Variants in CRPPA observed in about 807,000 individuals in gnomAD.
The protein encoded by CRPPA is CDP-L-ribitol pyrophosphorylase A, also known as D-ribitol-5-phosphate cytidylyltransferase.
CRPPA carries 43 observed loss-of-function variants against 52.0 expected under a neutral mutation model. The ratio of observed to expected loss-of-function variants is 0.83; its 90% CI spans 0.65 to 1.07. The LOEUF is 1.07. Among genes scored for constraint, CRPPA ranks in the 50% least tolerant of loss-of-function variants. The pLI is 0.00. For missense variants in CRPPA, 629 were observed against 551.7 expected, an observed-to-expected ratio of 1.14 and a Z score of -1.40; for synonymous variants, 250 against 203.5, an observed-to-expected ratio of 1.23 and a Z score of -1.94.
intron 2 of CRPPA, among the ~76,000 whole-genome samples, chr7:16,378,644 T>G (rs1299871760): frequency 6.6e-6 from 1 of 151,636 alleles, no homozygotes. Flanking sequence ...GATGGCTGGG[T>G]CAAATGGTAT....
chr7:16,298,664 A>G (rs1264327220), intron 5 of CRPPA, among the ~76,000 whole-genome samples: 3 of 152,304 alleles, frequency 2.0e-5, no homozygotes, highest in South Asian at 2.1e-4. Context: ...TTATGTGTCA[A>G]TTACATCTGG....
chr7:16,112,508 C>A (rs961137965), intron 9 of CRPPA, among the ~76,000 whole-genome samples: 1 of 152,070 alleles, frequency 6.6e-6, no homozygotes, highest in Non-Finnish European at 1.5e-5. Flanking sequence ...TCAATAACCT[C>A]CAGCAGATGA....
At chr7:16,396,414 A>G (rs1583575197) in intron 2 of CRPPA, among the ~76,000 whole-genome samples, 1 of 152,220 alleles carries the variant, frequency 6.6e-6, no homozygotes, top group Non-Finnish European at 1.5e-5. Flanking sequence ...ACCTAAAAAA[A>G]ACAGTAGATG....
At chr7:16,101,590 T>A (rs1003118199) in intron 9 of CRPPA, among the ~76,000 whole-genome samples, 30 of 149,362 alleles carry the variant, frequency 2.0e-4, no homozygotes, top group East Asian at 5.9e-4. Context: ...GTTAATCTTT[T>A]AAAAAAAAAA....
At position 16,258,478 on chromosome 7, in the gene CRPPA, G is replaced by A; in HGVS notation, c.1031C>T (p.Thr344Ile). 1 of 1,591,364 alleles carries A rather than the reference G, an allele frequency of 6.3e-7. No individual in the cohort carries two copies. The highest frequency in any genetic ancestry group is 1.3e-5 in the African/African-American group (1 of 74,280). ...CTGGGTTTCTTGAAAATCAGAGGTT[G>A]TAACCTAAAAGACCAGAAAAATAAA... ...QCYNFVCVNVTTSDFQETQKL... is the reference protein window; with the variant it reads ...QCYNFVCVNVITSDFQETQKL... Residue 344 changes from threonine to isoleucine, a missense_variant, in exon 8 of 10, where the codon ACA becomes ATA. Coordinates refer to ENST00000407010, the MANE Select transcript of CRPPA (RefSeq NM_001101426.4).
Position 16,357,895 on chromosome 7 carries a change from C to T in CRPPA, c.684+18197G>A, listed in dbSNP as rs953988017. On this transcript the variant is annotated intron_variant, in intron 3 of 9. Coordinates refer to ENST00000407010, the MANE Select transcript of CRPPA (RefSeq NM_001101426.4). ...GGCTTGAGGTGGGCCAGAGTTGGTG[C>T]GTGGTCAGCAGGCCAAGGCTGTGTC... Among the ~76,000 whole-genome samples the T allele has an allele frequency of 4.6e-5, 7 of 152,212 alleles. No homozygotes were observed. In the East Asian group the frequency reaches 5.8e-4, roughly 13 times the overall value.
chr7:16,184,195 C>T (rs1781463481), intron 9 of CRPPA, among the ~76,000 whole-genome samples: 2 of 152,134 alleles, frequency 1.3e-5, no homozygotes, highest in Non-Finnish European at 2.9e-5. Context: ...CCCACCTTGG[C>T]CTCTCAAAGT....
At chr7:16,282,767 G>A (rs1784344801) in intron 5 of CRPPA, among the ~76,000 whole-genome samples, 1 of 151,982 alleles carries the variant, frequency 6.6e-6, no homozygotes, top group Non-Finnish European at 1.5e-5. Flanking sequence ...AAGAAATATG[G>A]TGGATCTGTT....
At chr7:16,127,206 T>C (rs1335089987) in intron 9 of CRPPA, among the ~76,000 whole-genome samples, 2 of 152,096 alleles carry the variant, frequency 1.3e-5, no homozygotes, top group Non-Finnish European at 2.9e-5. Flanking sequence ...CAACCATCCC[T>C]ATGAAAACAA....
intron 9 of CRPPA, among the ~76,000 whole-genome samples, chr7:16,143,375 G>A (rs539422792): frequency 7.2e-5 from 11 of 152,230 alleles, no homozygotes; most frequent in Admixed American, 2.6e-4. Flanking sequence ...TAAAGTCAGT[G>A]GAAATACAGG....
chr7:16,236,670 A>T (rs1203581770), intron 8 of CRPPA, among the ~76,000 whole-genome samples: 1 of 152,120 alleles, frequency 6.6e-6, no homozygotes, highest in Non-Finnish European at 1.5e-5. Context: ...GCCTGGTAAT[A>T]TTCTTACCAT....
rs557633066 is a variant in CRPPA at position 16,154,991 on chromosome 7, G to C, written c.1251+61075C>G. On this transcript the variant is annotated intron_variant, in intron 9 of 9. Transcript: ENST00000407010. ...ATTTTTTCTTTTTTTTTTTTTTTTT[G>C]GATTTTTAGTAGAGACAGGGTTTCA... Among the ~76,000 whole-genome samples, 3 of 111,164 alleles carry C rather than the reference G, an allele frequency of 2.7e-5. No homozygotes were observed. In the South Asian group the frequency reaches 8.1e-4, roughly 30 times the overall value. The allele number at this position is 111,164 out of a possible 152,430, so 72.9% of individuals were successfully genotyped here.
At chr7:16,364,147 C>G (rs373721376) in intron 3 of CRPPA, among the ~76,000 whole-genome samples, 4 of 152,144 alleles carry the variant, frequency 2.6e-5, no homozygotes, top group Admixed American at 6.5e-5. Flanking sequence ...TTTACACTTA[C>G]GTGCCTGAAA....
rs961561148 is a variant in CRPPA at position 16,217,796 on chromosome 7, A to G, written c.1120-1599T>C. Among the ~76,000 whole-genome samples, 189 of 151,204 alleles carry G rather than the reference A, an allele frequency of 1.2e-3. 1 individual carries two copies. The highest frequency in any genetic ancestry group is 4.4e-3 in the African/African-American group (181 of 41,074). Reference sequence around the variant, plus strand: ...CCAAGAAATATGGGACTATGTGAAAAGACCAAATCTACGTCTGATTGGTGT... The same window carrying G: ...CCAAGAAATATGGGACTATGTGAAAGGACCAAATCTACGTCTGATTGGTGT... On this transcript the variant is annotated intron_variant, in intron 8 of 9. Coordinates refer to ENST00000407010, the MANE Select transcript of CRPPA (RefSeq NM_001101426.4).
At chr7:16,343,050 A>G (rs558268785) in intron 3 of CRPPA, among the ~76,000 whole-genome samples, 7 of 151,910 alleles carry the variant, frequency 4.6e-5, no homozygotes, top group African/African-American at 1.7e-4. Flanking sequence ...AAAAAAATAA[A>G]TAAGTAAATG....
At chr7:16,216,482 G>A (rs937791701) in intron 8 of CRPPA, 21 of 279,490 alleles carry the variant, frequency 7.5e-5, no homozygotes, top group East Asian at 2.0e-4. Flanking sequence ...AGCTCCCAGC[G>A]TGAGCGACGC....
chr7:16,328,213 G>A (rs1785462026), intron 3 of CRPPA, among the ~76,000 whole-genome samples: 1 of 151,934 alleles, frequency 6.6e-6, no homozygotes. Context: ...GTAGTTTGTT[G>A]TTTTATTTTT....
chr7:16,156,124 A>G (rs1408626419), intron 9 of CRPPA, among the ~76,000 whole-genome samples: 3 of 151,988 alleles, frequency 2.0e-5, no homozygotes, highest in Non-Finnish European at 4.4e-5. Context: ...GCAAAAAAAA[A>G]AAAAAAAAAA....
intron 6 of CRPPA, chr7:16,277,058 C>T (rs1034521953): frequency 6.6e-6 from 1 of 152,138 alleles, no homozygotes; most frequent in South Asian, 2.1e-4. Context: ...ATGCCAGATG[C>T]TTCTCTAAGC....
Sources: gnomAD v4.1 joint callset for allele counts (sites outside exome capture counted in the v4.1 genomes callset) on GRCh38, gnomAD v4.1.1 for gene constraint, MANE v1.5 for transcripts, NCBI Gene and HGNC (gene_info 2026-07-23, HGNC 2026-07-21) for gene names.